The following RPS6KA5 variants were observed in gnomAD, a reference collection of about 807,000 sequenced individuals.
RPS6KA5 encodes ribosomal protein S6 kinase A5, also known as ribosomal protein S6 kinase alpha-5.
In RPS6KA5, 27 loss-of-function variants were observed where a neutral mutation model predicts 85.5. The observed-to-expected ratio is 0.32, with a 90% CI of 0.23 to 0.44. The LOEUF (loss-of-function observed/expected upper bound fraction) is 0.44. RPS6KA5 is among the 20% of genes least tolerant of loss of function. The probability of loss-of-function intolerance (pLI) is 1.00; values close to 1 mark genes in which losing one functional copy is unlikely to be tolerated. For synonymous variants in RPS6KA5, 334 were observed against 348.2 expected (o/e 0.96, Z 0.46); for missense variants, 811 against 980.9 (o/e 0.83, Z 2.31).
At position 91,050,782 on chromosome 14, in the gene RPS6KA5, A is replaced by G. The variant is rs184608910; in HGVS notation, c.103+9550T>C. Reference sequence around the variant, plus strand: ...AAAAAAATAAAAATAAAAAAAAAGCAAGTATCTTATTGGAACTAATAGTTA... The same window carrying G: ...AAAAAAATAAAAATAAAAAAAAAGCGAGTATCTTATTGGAACTAATAGTTA... On this transcript the variant is annotated intron_variant, in intron 1 of 16. Transcript: ENST00000614987. Among the ~76,000 whole-genome samples, 32 of 152,356 alleles carry G rather than the reference A, an allele frequency of 2.1e-4. No individual in the cohort carries two copies. In the East Asian group the frequency reaches 6.2e-3, roughly 29 times the overall value.
At chr14:90,999,608 A>C (rs1227628359) in intron 2 of RPS6KA5, among the ~76,000 whole-genome samples, 1 of 152,242 alleles carries the variant, frequency 6.6e-6, no homozygotes, top group Non-Finnish European at 1.5e-5. Flanking sequence ...CTGCAGAGCA[A>C]CACAGTCCAG....
intron 6 of RPS6KA5, among the ~76,000 whole-genome samples, chr14:90,921,244 T>C (rs1050772988): frequency 1.3e-5 from 2 of 152,158 alleles, no homozygotes; most frequent in African/African-American, 4.8e-5. Flanking sequence ...AGTGCTGACA[T>C]ACAAAACACA....
intron 1 of RPS6KA5, among the ~76,000 whole-genome samples, chr14:91,035,777 C>T (rs1441389038): frequency 1.4e-5 from 2 of 138,360 alleles, no homozygotes; most frequent in East Asian, 4.2e-4. Context: ...AACAGAGACA[C>T]AGAAAACTGT....
At chr14:90,984,215 G>C (rs565567394) in intron 2 of RPS6KA5, among the ~76,000 whole-genome samples, 4 of 152,306 alleles carry the variant, frequency 2.6e-5, no homozygotes, top group Admixed American at 1.3e-4. Flanking sequence ...TGAGGTAGAG[G>C]TTCTACTTTT....
intron 2 of RPS6KA5, among the ~76,000 whole-genome samples, chr14:90,989,094 T>G (rs1247932036): frequency 6.6e-6 from 1 of 152,218 alleles, no homozygotes; most frequent in Non-Finnish European, 1.5e-5. Flanking sequence ...TTTTTTCAAT[T>G]TAGGTTACAG....
At chr14:90,908,814 G>C (rs1464371601) in intron 7 of RPS6KA5, among the ~76,000 whole-genome samples, 1 of 152,202 alleles carries the variant, frequency 6.6e-6, no homozygotes, top group Non-Finnish European at 1.5e-5. Flanking sequence ...TGAGAGGTGT[G>C]AGCAGGCATG....
At chr14:90,946,964 G>T (rs776748078) in intron 4 of RPS6KA5, among the ~76,000 whole-genome samples, 1 of 152,136 alleles carries the variant, frequency 6.6e-6, no homozygotes, top group Admixed American at 6.5e-5. Context: ...AGCAAGAGAC[G>T]GTGTCAGGGA....
At chr14:91,055,422 T>C (rs2043273999) in intron 1 of RPS6KA5, among the ~76,000 whole-genome samples, 1 of 152,136 alleles carries the variant, frequency 6.6e-6, no homozygotes, top group Admixed American at 6.5e-5. Context: ...ACTTGGTATA[T>C]CTATACAATG....
chr14:91,028,356 T>C (rs960550951), intron 1 of RPS6KA5, among the ~76,000 whole-genome samples: 4 of 152,088 alleles, frequency 2.6e-5, no homozygotes, highest in South Asian at 2.1e-4. Flanking sequence ...TAGCTGAGAC[T>C]ACAGGCTTGA....
intron 3 of RPS6KA5, among the ~76,000 whole-genome samples, chr14:90,964,470 G>A (rs1282887678): frequency 6.6e-6 from 1 of 152,200 alleles, no homozygotes; most frequent in Non-Finnish European, 1.5e-5. Flanking sequence ...CTTTTTGACT[G>A]TGAGCACAGA....
In RPS6KA5 at chr14:91,035,205, TA is replaced by T. The variant is rs1205853164; in HGVS notation, c.103+25126del. On this transcript the variant is annotated intron_variant, in intron 1 of 16. Transcript: ENST00000614987. The stretch of plus-strand genomic sequence containing the variant: ...GATTTCACATCTCCCCACTCACCCT[TA>T]AAAAAAAAAAAAGACCATAAAACCA... Among the ~76,000 whole-genome samples the T allele has an allele frequency of 3.3e-3, 461 of 139,300 alleles. 1 individual carries two copies. The highest frequency in any genetic ancestry group is 3.7e-3 in the Middle Eastern group (1 of 268). The allele number at this position is 139,300 out of a possible 152,430, so 91.4% of individuals were successfully genotyped here. A position where few individuals can be genotyped will look rare whatever the true frequency, so the allele number is the denominator to read the frequency against.
chr14:90,976,578 A>C (rs909369044), intron 3 of RPS6KA5, among the ~76,000 whole-genome samples: 2 of 152,192 alleles, frequency 1.3e-5, no homozygotes, highest in Admixed American at 1.3e-4. Context: ...GCTGTATTAG[A>C]ATGCTCTGTC....
chr14:90,900,763 G>A, intron 9 of RPS6KA5, 27 bp from the exon 10 acceptor site: 7 of 1,580,424 alleles, frequency 4.4e-6, no homozygotes, highest in African/African-American at 2.7e-5. Context: ...GAAAGATAAA[G>A]AAAAACAACT....
At chr14:90,973,121 A>C (rs550584342) in intron 3 of RPS6KA5, among the ~76,000 whole-genome samples, 1 of 152,204 alleles carries the variant, frequency 6.6e-6, no homozygotes, top group Non-Finnish European at 1.5e-5. Flanking sequence ...TACAACTTCT[A>C]TGGAAGTGTA....
rs2032521677 is a variant in RPS6KA5, at chr14:90,861,047, A to G, written c.*11027T>C. The G allele has an allele frequency of 6.6e-6, 1 of 150,546 alleles. No homozygotes were observed. 9.3% of individuals were successfully genotyped at this position (150,546 alleles called of 1,614,324 possible). A position where few individuals can be genotyped will look rare whatever the true frequency, so the allele number is the denominator to read the frequency against. On this transcript the variant is annotated 3_prime_UTR_variant, in exon 17 of 17. Coordinates refer to ENST00000614987, the MANE Select transcript of RPS6KA5 (RefSeq NM_004755.4). ...GCTAGGATTACAGGCATGCACTACC[A>G]CTCCTGGCTCATTTTTTGTATTTTT...
chr14:90,941,886 A>C (rs1238653347), intron 5 of RPS6KA5, among the ~76,000 whole-genome samples: 1 of 152,248 alleles, frequency 6.6e-6, no homozygotes, highest in Non-Finnish European at 1.5e-5. Context: ...AAACAGATTT[A>C]ATCTGCTACA....
chr14:90,914,317 T>G (rs991332312), intron 7 of RPS6KA5, among the ~76,000 whole-genome samples: 1 of 140,970 alleles, frequency 7.1e-6, no homozygotes, highest in African/African-American at 2.7e-5. Context: ...GGGTTTTTTT[T>G]TTTTTTTTTT....
rs1401976172 is a variant in RPS6KA5 at position 90,861,297 on chromosome 14, C to A, written c.*10777G>T. On this transcript the variant is annotated 3_prime_UTR_variant, in exon 17 of 17. Coordinates refer to ENST00000614987, the MANE Select transcript of RPS6KA5 (RefSeq NM_004755.4). ...CAGCACTTTGGGAGGCCGAGGCGGG[C>A]GGATCACGAGGTCAGGAGATCGAGA... is the stretch of plus-strand genomic sequence containing the variant. 1 of 149,396 alleles carries A rather than the reference C, an allele frequency of 6.7e-6. No individual in the cohort carries two copies. The highest frequency in any genetic ancestry group is 1.5e-5 in the Non-Finnish European group (1 of 67,054). 9.3% of individuals were successfully genotyped at this position (149,396 alleles called of 1,614,324 possible). A position where few individuals can be genotyped will look rare whatever the true frequency, so the allele number is the denominator to read the frequency against.
chr14:90,850,986 T>G lies in RPS6KA5; in HGVS notation c.*21088A>C, dbSNP rs564816565. 2.2e-4 allele frequency: 33 copies of G among 152,358 alleles called. No homozygotes were observed. The highest frequency in any genetic ancestry group is 7.2e-4 in the African/African-American group (30 of 41,590). 9.4% of individuals were successfully genotyped at this position (152,358 alleles called of 1,614,324 possible). ...CTTAATTTTATACTTTGTTAGTTCC[T>G]ACTTCAAAATGCTAGTCAATATTCA... On this transcript the variant is annotated 3_prime_UTR_variant, in exon 17 of 17. Coordinates refer to ENST00000614987, the MANE Select transcript of RPS6KA5 (RefSeq NM_004755.4).
Sources: gnomAD v4.1 joint callset for allele counts (sites outside exome capture counted in the v4.1 genomes callset) on GRCh38, gnomAD v4.1.1 for gene constraint, MANE v1.5 for transcripts, NCBI Gene and HGNC (gene_info 2026-07-23, HGNC 2026-07-21) for gene names.